The following EZH1 variants were observed in gnomAD, a reference collection of about 807,000 sequenced individuals.
EZH1 encodes the protein histone-lysine N-methyltransferase EZH1.
Under a neutral mutation model 100.5 loss-of-function variants are expected in EZH1, and 33 were observed. That is an observed-to-expected ratio of 0.33 (90% CI 0.25 to 0.44). The LOEUF (loss-of-function observed/expected upper bound fraction) is 0.44, where lower values mean the gene tolerates loss of function less well. Ranked by LOEUF, EZH1 falls within the 20% of genes least tolerant of loss-of-function variation. The pLI is 1.00. For synonymous variants in EZH1, 272 were observed against 313.8 expected, an observed-to-expected ratio of 0.87 and a Z score of 1.41; for missense variants, 475 against 928.4, an observed-to-expected ratio of 0.51 and a Z score of 6.35.
chr17:42,733,059 C>T (rs957457783), intron 1 of EZH1, among the ~76,000 whole-genome samples: 5 of 149,622 alleles, frequency 3.3e-5, no homozygotes, highest in African/African-American at 1.2e-4. Context: ...AAGAAAAAGC[C>T]AGGTGCGCTG....
intron 10 of EZH1, 125 bp from the exon 11 acceptor site, chr17:42,713,514 C>T: frequency 1.2e-6 from 1 of 836,888 alleles, no homozygotes. Context: ...TTTCTCTGTA[C>T]CATATAATAA....
chr17:42,740,647 G>A (rs1318289161), intron 1 of EZH1, among the ~76,000 whole-genome samples: 1 of 152,326 alleles, frequency 6.6e-6, no homozygotes, highest in Admixed American at 6.5e-5. Context: ...ACCGTGCCCA[G>A]TGAGAACGCT....
In EZH1 at chr17:42,712,439, T is replaced by C; in HGVS notation, c.1251A>G (p.Pro417=). ...CQTPTKQKAS[P]APPQLCVVEA... is the part of the protein sequence containing the mutation. The stretch of plus-strand genomic sequence containing the variant: ...CCACTACGCAGAGTTGAGGTGGGGC[T>C]GGACTAGCCTTCTGTTTTGTGGGAG... The change falls in exon 12 of 21, where the codon CCA becomes CCG. Residue 417 remains proline, a synonymous_variant. Transcript: ENST00000428826. 6.2e-7 allele frequency: 1 copy of C among 1,614,184 alleles called. No homozygotes were observed. The highest frequency in any genetic ancestry group is 8.5e-7 in the Non-Finnish European group (1 of 1,180,034).
At chr17:42,709,059 G>T in intron 13 of EZH1, 143 bp from the exon 14 acceptor site, 2 of 845,196 alleles carry the variant, frequency 2.4e-6, no homozygotes, top group Non-Finnish European at 3.9e-6. Flanking sequence ...GGACGACTTT[G>T]GTACACAGAA....
At chr17:42,734,050 A>ATTT (rs111718392) in intron 1 of EZH1, among the ~76,000 whole-genome samples, 1 of 140,176 alleles carries the variant, frequency 7.1e-6, no homozygotes, top group African/African-American at 2.6e-5. Flanking sequence ...ATGCACATGG[A>ATTT]TTTTTTTTTT....
intron 17 of EZH1, 44 bp downstream of exon 17, chr17:42,705,044 A>G (rs1190533505): frequency 2.0e-6 from 3 of 1,470,844 alleles, no homozygotes; most frequent in East Asian, 2.3e-5. Flanking sequence ...GTTTCTCATC[A>G]GTCTCCCCCG....
rs1200774469 is a variant in EZH1 at position 42,725,131 on chromosome 17, C to T, written c.247-707G>A. ...GCAGTGAGCCAAGATCACGCCACTGCACTCCAGCCTGGCGACATAGCGATA... is the reference window on the plus strand; with the variant it reads ...GCAGTGAGCCAAGATCACGCCACTGTACTCCAGCCTGGCGACATAGCGATA... On this transcript the variant is annotated intron_variant, in intron 4 of 20. Coordinates refer to ENST00000428826, the MANE Select transcript of EZH1 (RefSeq NM_001991.5). 2.0e-5 allele frequency among the ~76,000 whole-genome samples: 3 copies of T among 152,110 alleles called. No individual in the cohort carries two copies. The East Asian group carries it at 5.8e-4, about 29-fold the overall frequency.
At chr17:42,713,492 G>GAT in intron 10 of EZH1, 103 bp from the exon 11 acceptor site, 3 of 1,096,856 alleles carry the variant, frequency 2.7e-6, no homozygotes, top group Non-Finnish European at 3.7e-6. Context: ...TACAATAATA[G>GAT]TGTCTTTTCT....
intron 5 of EZH1, among the ~76,000 whole-genome samples, chr17:42,723,217 T>C (rs2053750490): frequency 6.6e-6 from 1 of 151,804 alleles, no homozygotes; most frequent in South Asian, 2.1e-4. Context: ...TCTACTAAAA[T>C]ACAAAAAATT....
chr17:42,703,650 C>A, intron 19 of EZH1, 90 bp downstream of exon 19: 1 of 920,370 alleles, frequency 1.1e-6, no homozygotes, highest in South Asian at 1.4e-5. Context: ...CAAAAAATAG[C>A]TCAGCTAAGG....
At chr17:42,707,315 C>T (rs2143723413) in intron 15 of EZH1, among the ~76,000 whole-genome samples, 1 of 152,088 alleles carries the variant, frequency 6.6e-6, no homozygotes. Flanking sequence ...GGCTGGAGTG[C>T]AGTGGCACAA....
intron 10 of EZH1, among the ~76,000 whole-genome samples, chr17:42,715,469 A>T (rs745342272): frequency 3.3e-5 from 5 of 151,542 alleles, no homozygotes; most frequent in African/African-American, 7.3e-5. Flanking sequence ...CTGGTCTCGA[A>T]CTCCTAGGCT....
In EZH1 at chr17:42,702,391, A is replaced by C; in HGVS notation, c.*141T>G. 3 of 640,456 alleles carry C rather than the reference A, an allele frequency of 4.7e-6. No homozygotes were observed. The highest frequency in any genetic ancestry group is 5.4e-6 in the Non-Finnish European group (2 of 372,340). The allele number at this position is 640,456 out of a possible 1,614,324, so 39.7% of individuals were successfully genotyped here. The stretch of plus-strand genomic sequence containing the variant: ...CAGTTTTGTGCCCTCTGGACATGGC[A>C]GAGGCCTCACTACAGAGGGAGTGGG... On this transcript the variant is annotated 3_prime_UTR_variant, in exon 21 of 21. Coordinates refer to ENST00000428826, the MANE Select transcript of EZH1 (RefSeq NM_001991.5).
chr17:42,704,464 C>A, intron 18 of EZH1, 138 bp downstream of exon 18: 1 of 589,614 alleles, frequency 1.7e-6, no homozygotes, highest in South Asian at 2.2e-5. Context: ...TCACTTGAAC[C>A]CGGGAGGCAG....
chr17:42,744,306 T>C (rs1440346669), intron 1 of EZH1, among the ~76,000 whole-genome samples: 1 of 152,196 alleles, frequency 6.6e-6, no homozygotes, highest in Non-Finnish European at 1.5e-5. Flanking sequence ...AAGGCACTTT[T>C]ATTTATATCA....
At chr17:42,730,380 T>G (rs1056819355) in intron 2 of EZH1, among the ~76,000 whole-genome samples, 13 of 151,502 alleles carry the variant, frequency 8.6e-5, no homozygotes, top group African/African-American at 3.2e-4. Context: ...GACAGCAGTA[T>G]AATCTCATCT....
Position 42,728,972 on chromosome 17 carries a change from G to C in EZH1, c.-11-20C>G, listed in dbSNP as rs1345730822. The C allele has an allele frequency of 1.9e-5, 29 of 1,506,474 alleles. No individual in the cohort carries two copies. Among genetic ancestry groups the C allele is most frequent in the Non-Finnish European group, 2.6e-5 (29 of 1,123,344 alleles). The allele number at this position is 1,506,474 out of a possible 1,614,324, so 93.3% of individuals were successfully genotyped here. On this transcript the variant is annotated intron_variant, in intron 2 of 20. Transcript: ENST00000428826. ...TGTAATCTAAGAGAGACAGAGATGA[G>C]AAATAGCATTTTATTGCCTGGAAAT...
At chr17:42,743,273 G>C (rs959110944) in intron 1 of EZH1, among the ~76,000 whole-genome samples, 10 of 150,860 alleles carry the variant, frequency 6.6e-5, no homozygotes, top group African/African-American at 1.2e-4. Context: ...CGGTTCAAGC[G>C]ATTCTAATGC....
chr17:42,722,071 C>T (rs977340548), intron 6 of EZH1, among the ~76,000 whole-genome samples: 3 of 149,646 alleles, frequency 2.0e-5, no homozygotes, highest in African/African-American at 7.4e-5. Context: ...ATGGCATGAA[C>T]CCGGGAGGCG....
Sources: gnomAD v4.1 joint callset for allele counts (sites outside exome capture counted in the v4.1 genomes callset) on GRCh38, gnomAD v4.1.1 for gene constraint, MANE v1.5 for transcripts, NCBI Gene and HGNC (gene_info 2026-07-23, HGNC 2026-07-21) for gene names.